GPR55: variants seen among roughly 807,000 people sequenced by gnomAD.
The protein encoded by GPR55 is G protein-coupled receptor 55.
GPR55 carries 6 observed loss-of-function variants against 7.9 expected under a neutral mutation model. The ratio of observed to expected loss-of-function variants is 0.76; its 90% CI spans 0.41 to 1.49. The LOEUF (loss-of-function observed/expected upper bound fraction) is 1.49. GPR55 is among the 40% of genes most tolerant of loss of function. The pLI is 0.01. For synonymous variants in GPR55, 183 were observed against 166.8 expected (o/e 1.10, Z -0.75); for missense variants, 376 against 406.0 (o/e 0.93, Z 0.63).
At chr2:230,958,244 T>G (rs973894660) in intron 1 of GPR55, among the ~76,000 whole-genome samples, 4 of 152,222 alleles carry the variant, frequency 2.6e-5, no homozygotes, top group Non-Finnish European at 5.9e-5. Flanking sequence ...AAACCTAACT[T>G]TAAAAAATTT....
intron 1 of GPR55, among the ~76,000 whole-genome samples, chr2:230,916,699 G>C (rs1690725330): frequency 6.7e-6 from 1 of 148,292 alleles, no homozygotes; most frequent in Admixed American, 6.7e-5. Flanking sequence ...TTTCTATTCT[G>C]TTTTTTTTTT....
chr2:230,948,039 G>A (rs1389671018), intron 1 of GPR55, among the ~76,000 whole-genome samples: 1 of 152,148 alleles, frequency 6.6e-6, no homozygotes, highest in Non-Finnish European at 1.5e-5. Context: ...TTTGTGACAT[G>A]GGTGTGGCCA....
In GPR55 at chr2:230,935,089, G is replaced by A. The variant is rs550545484; in HGVS notation, c.-134-23993C>T. Among the ~76,000 whole-genome samples, 15 of 152,288 alleles carry A rather than the reference G, an allele frequency of 9.8e-5. No homozygotes were observed. The South Asian group carries it at 2.7e-3, about 27-fold the overall frequency. On this transcript the variant is annotated intron_variant, in intron 1 of 1. Transcript: ENST00000392039. Reference sequence around the variant, plus strand: ...TCAGAGGAAACGCCTGGGGTGGGGGGCACTTTTCCTCTCCCTCAGAGATGG... The same window carrying A: ...TCAGAGGAAACGCCTGGGGTGGGGGACACTTTTCCTCTCCCTCAGAGATGG...
intron 1 of GPR55, among the ~76,000 whole-genome samples, chr2:230,935,774 GT>G (rs1318543063): frequency 6.6e-6 from 1 of 152,190 alleles, no homozygotes; most frequent in Non-Finnish European, 1.5e-5. Context: ...AAAAAGAAGT[GT>G]TTTGGATTTT....
intron 1 of GPR55, among the ~76,000 whole-genome samples, chr2:230,937,713 A>G (rs1268066853): frequency 2.0e-5 from 3 of 152,084 alleles, no homozygotes; most frequent in Non-Finnish European, 1.5e-5. Context: ...ACCATAGAAA[A>G]AAGTCTTGCC....
chr2:230,934,664 G>C (rs372704310), intron 1 of GPR55, among the ~76,000 whole-genome samples: 1 of 152,202 alleles, frequency 6.6e-6, no homozygotes, highest in Admixed American at 6.5e-5. Context: ...GCATCCGGAC[G>C]CCTCGGGGTG....
intron 1 of GPR55, among the ~76,000 whole-genome samples, chr2:230,952,726 G>A (rs551940618): frequency 1.5e-3 from 233 of 152,226 alleles, no homozygotes; most frequent in African/African-American, 5.5e-3. Context: ...AATGGCCCAC[G>A]GCCACCCTGT....
Position 230,910,081 on chromosome 2 carries a change from T to C in GPR55, c.882A>G (p.Glu294=). 6.2e-6 allele frequency: 10 copies of C among 1,614,206 alleles called. No individual in the cohort carries two copies. The highest frequency in any genetic ancestry group is 8.5e-6 in the Non-Finnish European group (10 of 1,180,010). ...GGTGGGCCCTGATGTTCATGCGGAATTCTTTGATGACAAAGTAGTAGCAGA... is the reference window on the plus strand; with the variant it reads ...GGTGGGCCCTGATGTTCATGCGGAACTCTTTGATGACAAAGTAGTAGCAGA... ...DVFCYYFVIK[E]FRMNIRAHRP... is the part of the protein sequence containing the mutation. Residue 294 remains glutamate (E), a synonymous_variant, in exon 2 of 2, where the codon GAA becomes GAG. Coordinates refer to ENST00000650999, the MANE Select transcript of GPR55 (RefSeq NM_005683.4). This position sits in a 1 kb window ranked among gnomAD's most constrained non-coding sequence, Gnocchi z 5.4.
intron 1 of GPR55, among the ~76,000 whole-genome samples, chr2:230,955,872 G>A (rs554258512): frequency 2.0e-5 from 3 of 152,110 alleles, no homozygotes; most frequent in Admixed American, 1.3e-4. Context: ...GACTACAGGC[G>A]TGTGCCACCA....
chr2:230,959,318 C>T (rs886336082), intron 1 of GPR55, among the ~76,000 whole-genome samples: 5 of 151,992 alleles, frequency 3.3e-5, no homozygotes, highest in Admixed American at 2.6e-4. Flanking sequence ...TGTAGTGGTG[C>T]ATGCCTATAG....
At chr2:230,955,795 C>T (rs12474278) in intron 1 of GPR55, among the ~76,000 whole-genome samples, 3,482 of 151,496 alleles carry the variant, frequency 0.023, 276 homozygotes, top group East Asian at 0.2. Flanking sequence ...GGTGTGATCA[C>T]GGCTCACTGC....
At chr2:230,912,730 G>A (rs922803867) in intron 1 of GPR55, among the ~76,000 whole-genome samples, 3 of 152,190 alleles carry the variant, frequency 2.0e-5, no homozygotes, top group African/African-American at 7.2e-5. Flanking sequence ...GGGAGGCCCC[G>A]CACCTGTTCC....
intron 1 of GPR55, among the ~76,000 whole-genome samples, chr2:230,949,839 A>AT (rs199675549): frequency 0.026 from 3,786 of 148,144 alleles, 164 homozygotes; most frequent in African/African-American, 0.087. Flanking sequence ...CACTAAATTT[A>AT]TTTTTTTTTT....
Position 230,910,895 on chromosome 2 carries a change from T to C in GPR55, c.68A>G (p.Gln23Arg). The change falls in exon 2 of 2, where the codon CAG becomes CGG. Residue 23 changes from glutamine to arginine, a missense_variant. Physicochemically the swap from Gln to Arg is conservative, Grantham distance 43. Coordinates refer to ENST00000650999, the MANE Select transcript of GPR55 (RefSeq NM_005683.4). This position sits in a 1 kb window ranked among gnomAD's most constrained non-coding sequence, Gnocchi z 5.4. ...GAAGGTGGGGATGTGGACTGCAAAC[T>C]GTAGGGTTTTCATCAGCTCGTTGAC... is the stretch of plus-strand genomic sequence containing the variant. Reference protein sequence around the residue: ...DGVNELMKTLQFAVHIPTFVL... With the variant: ...DGVNELMKTLRFAVHIPTFVL... 4 of 1,613,852 alleles carry C rather than the reference T, an allele frequency of 2.5e-6. No individual in the cohort carries two copies. The highest frequency in any genetic ancestry group is 3.4e-6 in the Non-Finnish European group (4 of 1,179,750).
intron 1 of GPR55, among the ~76,000 whole-genome samples, chr2:230,937,974 T>C (rs1243769478): frequency 6.6e-6 from 1 of 151,746 alleles, no homozygotes; most frequent in East Asian, 1.9e-4. Flanking sequence ...AGGTAATATA[T>C]TGAGATCCTC....
rs372029522 is a variant in GPR55, at chr2:230,910,202, T to C, written c.761A>G (p.Asn254Ser). 9.9e-6 allele frequency: 16 copies of C among 1,613,976 alleles called. No homozygotes were observed. In the African/African-American group the frequency reaches 2.0e-4, roughly 20 times the overall value. Residue 254 changes from asparagine to serine, a missense_variant, in exon 2 of 2, where the codon AAC becomes AGC. Transcript: ENST00000650999. This position sits in a 1 kb window ranked among gnomAD's most constrained non-coding sequence, Gnocchi z 5.4. ...GGCTCTGCACTCTACGATAAAGCTG[T>C]TTCTCACCAGGAACTGCAGGAAGAA... The part of the protein sequence containing the change: ...LGFFLQFLVR[N>S]SFIVECRAKQ...
intron 1 of GPR55, among the ~76,000 whole-genome samples, chr2:230,930,633 T>G (rs989549421): frequency 6.6e-6 from 1 of 152,020 alleles, no homozygotes; most frequent in Non-Finnish European, 1.5e-5. Context: ...GTACTTTTGG[T>G]ACAAAATACA....
chr2:230,916,367 A>G (rs1160585738), intron 1 of GPR55, among the ~76,000 whole-genome samples: 1 of 151,466 alleles, frequency 6.6e-6, no homozygotes, highest in East Asian at 1.9e-4. Context: ...ACCAAAAAAA[A>G]AACTTAATTA....
At chr2:230,948,452 C>T (rs1691351925) in intron 1 of GPR55, among the ~76,000 whole-genome samples, 1 of 152,106 alleles carries the variant, frequency 6.6e-6, no homozygotes. Context: ...ATAAATAAAT[C>T]AAAATAAACC....
Sources: gnomAD v4.1 joint callset for allele counts (sites outside exome capture counted in the v4.1 genomes callset) on GRCh38, gnomAD v4.1.1 for gene constraint, Gnocchi (gnomAD v3.1) non-coding constraint, MANE v1.5 for transcripts, NCBI Gene and HGNC (gene_info 2026-07-23, HGNC 2026-07-21) for gene names.